Variants in PFKFB3 observed in about 807,000 individuals in gnomAD.
PFKFB3 encodes 6-phosphofructo-2-kinase/fructose-2,6-bisphosphatase 3.
Under a neutral mutation model 68.0 loss-of-function variants are expected in PFKFB3, and 33 were observed. The observed-to-expected ratio is 0.49, with a 90% CI of 0.37 to 0.65. The LOEUF (loss-of-function observed/expected upper bound fraction) is 0.65, where lower values mean the gene tolerates loss of function less well. Among genes scored for constraint, PFKFB3 ranks in the 30% least tolerant of loss-of-function variants. The pLI, the probability that PFKFB3 is intolerant of heterozygous loss-of-function variation, is 0.00. For synonymous variants in PFKFB3, 315 were observed against 288.2 expected (o/e 1.09, Z -0.94); for missense variants, 586 against 712.2 (o/e 0.82, Z 2.02).
chr10:6,226,536 C>T (rs1845371804), intron 14 of PFKFB3, 171 bp downstream of exon 14: 3 of 608,842 alleles, frequency 4.9e-6, no homozygotes, highest in Non-Finnish European at 8.4e-6. Context: ...CATGTGCACA[C>T]ACTCACGTGT....
At chr10:6,286,027 G>T in the PFKFB3 span, among the ~76,000 whole-genome samples, 1 of 140,238 alleles carries the variant, frequency 7.1e-6, no homozygotes, top group African/African-American at 2.7e-5. Flanking sequence ...GCCCAGGCTG[G>T]AGTGCAGTGG....
chr10:6,152,882 A>T (rs1378594592), intron 1 of PFKFB3, among the ~76,000 whole-genome samples: 1 of 151,650 alleles, frequency 6.6e-6, no homozygotes, highest in African/African-American at 2.4e-5. Flanking sequence ...CCTTGTCTTT[A>T]AAAAAAGGAA....
the PFKFB3 span, among the ~76,000 whole-genome samples, chr10:6,288,538 C>A: frequency 6.6e-6 from 1 of 151,912 alleles, no homozygotes; most frequent in African/African-American, 2.4e-5. Context: ...TGGACTCATC[C>A]TTTTTTATGG....
At chr10:6,277,348 G>A in the PFKFB3 span, among the ~76,000 whole-genome samples, 1 of 151,768 alleles carries the variant, frequency 6.6e-6, no homozygotes, top group Non-Finnish European at 1.5e-5. Context: ...ATTCTCCTGA[G>A]TAGCTGGGAT....
At chr10:6,177,530 C>CTT (rs369764404) in intron 1 of PFKFB3, among the ~76,000 whole-genome samples, 1 of 95,190 alleles carries the variant, frequency 1.1e-5, no homozygotes. Context: ...CTTTCTTTTT[C>CTT]TTTTTTTTTT....
upstream of PFKFB3, among the ~76,000 whole-genome samples, chr10:6,201,651 G>T (rs1178641027): frequency 1.3e-5 from 2 of 152,118 alleles, no homozygotes; most frequent in African/African-American, 4.8e-5. This position sits in a 1 kb window ranked among gnomAD's most constrained non-coding sequence, Gnocchi z 4.1. Context: ...GGACGTGAGC[G>T]ACGTGTGGCA....
Position 6,177,408 on chromosome 10 carries a change from C to CTTTCTTTG in PFKFB3, c.16+32397_16+32398insTCTTTGTT, listed in dbSNP as rs1454122984. 1.3e-4 allele frequency among the ~76,000 whole-genome samples: 7 copies of CTTTCTTTG among 52,624 alleles called. No homozygotes were observed. In the East Asian group the frequency reaches 2.8e-3, roughly 21 times the overall value. The allele number at this position is 52,624 out of a possible 152,430, so 34.5% of individuals were successfully genotyped here. ...TCTTTCTTTCTTTCTTTCTTTCTTT[C>CTTTCTTTG]TTCTTTCTCTTTCTTCCTTTCTTTT... On this transcript the variant is annotated intron_variant, in intron 1 of 14. Transcript: ENST00000379789.
chr10:6,215,773 T>C lies in PFKFB3; in HGVS notation c.300-352T>C, dbSNP rs1481331667. On this transcript the variant is annotated intron_variant, in intron 3 of 14. Coordinates refer to ENST00000379775, the MANE Select transcript of PFKFB3 (RefSeq NM_004566.4). This position sits in a 1 kb window ranked among gnomAD's most constrained non-coding sequence, Gnocchi z 4.3. ...GCAAGGGTGTTCAGCCCCGGCTGTA[T>C]GCTGGAGTCTCCTGGGGGATGCTAA... Among the ~76,000 whole-genome samples the C allele has an allele frequency of 6.6e-6, 1 of 152,216 alleles. No homozygotes were observed. Among genetic ancestry groups the C allele is most frequent in the Admixed American group, 6.5e-5 (1 of 15,290 alleles).
intron 1 of PFKFB3, among the ~76,000 whole-genome samples, chr10:6,203,866 C>T (rs1329185692): frequency 6.6e-6 from 1 of 152,178 alleles, no homozygotes; most frequent in African/African-American, 2.4e-5. Flanking sequence ...TCTGTTTCTA[C>T]CTCCTTCCTC....
the PFKFB3 span, among the ~76,000 whole-genome samples, chr10:6,289,637 G>A: frequency 7.9e-5 from 12 of 151,458 alleles, no homozygotes; most frequent in Admixed American, 2.0e-4. Context: ...GTCAGGTAGC[G>A]TGATGCCTCC....
the PFKFB3 span, among the ~76,000 whole-genome samples, chr10:6,281,268 G>A: frequency 6.7e-6 from 1 of 150,246 alleles, no homozygotes; most frequent in South Asian, 2.1e-4. Flanking sequence ...TGAGGCAGAA[G>A]CATTTAATTG....
At chr10:6,314,421 G>A in the PFKFB3 span, among the ~76,000 whole-genome samples, 1 of 152,208 alleles carries the variant, frequency 6.6e-6, no homozygotes, top group African/African-American at 2.4e-5. Flanking sequence ...GTCTGTGTCT[G>A]TGCATATGTG....
At chr10:6,206,844 G>A (rs112130402) in intron 1 of PFKFB3, among the ~76,000 whole-genome samples, 47 of 10,524 alleles carry the variant, frequency 4.5e-3, no homozygotes, top group Non-Finnish European at 7.1e-3. Flanking sequence ...CAGACGGGGT[G>A]GCGGCCGGGC....
chr10:6,155,201 T>C (rs940319665), intron 1 of PFKFB3, among the ~76,000 whole-genome samples: 4 of 78,412 alleles, frequency 5.1e-5, no homozygotes, highest in Non-Finnish European at 1.5e-4. Flanking sequence ...TTACGAGTTT[T>C]TTTCTTTTTT....
At chr10:6,146,448 G>A (rs781148937) in intron 1 of PFKFB3, 2 of 1,535,558 alleles carry the variant, frequency 1.3e-6, no homozygotes, top group East Asian at 2.4e-5. Context: ...CTGTCAGCTG[G>A]ACACGTTTAG....
chr10:6,158,017 G>C (rs1296331266), intron 1 of PFKFB3, among the ~76,000 whole-genome samples: 2 of 151,424 alleles, frequency 1.3e-5, no homozygotes, highest in East Asian at 3.9e-4. Context: ...TGGGCGCGGT[G>C]GTTCATGCCT....
At chr10:6,252,839 A>T (rs1011525690) in intron 14 of PFKFB3, among the ~76,000 whole-genome samples, 1 of 152,208 alleles carries the variant, frequency 6.6e-6, no homozygotes, top group African/African-American at 2.4e-5. Context: ...TAATAGAGGT[A>T]AATAGTTTTT....
chr10:6,243,263 G>C lies in PFKFB3; in HGVS notation c.1516-10915G>C, dbSNP rs142992291. 9.0e-4 allele frequency among the ~76,000 whole-genome samples: 137 copies of C among 152,302 alleles called. 3 individuals carry two copies. The South Asian group carries it at 0.022, about 24-fold the overall frequency. On this transcript the variant is annotated intron_variant, in intron 14 of 14. Coordinates refer to the PFKFB3 transcript ENST00000640683. ...GTTGTAATCCTCGGAACTGCCGCAC[G>C]TCCCAAGCAGCTGGTCCTGGGACAA... is the stretch of plus-strand genomic sequence containing the variant.
intron 14 of PFKFB3, among the ~76,000 whole-genome samples, chr10:6,252,504 GATAAGGACAAA>G (rs1279844266): frequency 9.2e-5 from 14 of 152,144 alleles, no homozygotes; most frequent in Admixed American, 9.2e-4. Context: ...AGTTATTTAT[GATAAGGACAAA>G]CTTAGAAATG....
Sources: gnomAD v4.1 joint callset for allele counts (sites outside exome capture counted in the v4.1 genomes callset) on GRCh38, gnomAD v4.1.1 for gene constraint, Gnocchi (gnomAD v3.1) non-coding constraint, MANE v1.5 for transcripts, NCBI Gene and HGNC (gene_info 2026-07-23, HGNC 2026-07-21) for gene names.